GFAP: variants seen among roughly 807,000 people sequenced by gnomAD.
GFAP encodes intermediate filament protein.
A neutral mutation model predicts 49.3 loss-of-function variants in GFAP; 38 were observed. The ratio of observed to expected loss-of-function variants is 0.77; its 90% CI spans 0.60 to 1.01. The LOEUF (loss-of-function observed/expected upper bound fraction) is 1.01, where lower values mean the gene tolerates loss of function less well. GFAP is among the 50% of genes least tolerant of loss of function. The probability of loss-of-function intolerance (pLI) is 0.00; values close to 1 mark genes in which losing one functional copy is unlikely to be tolerated. For missense variants in GFAP, 463 were observed against 579.1 expected, an observed-to-expected ratio of 0.80 and a Z score of 2.06; for synonymous variants, 222 against 236.4, an observed-to-expected ratio of 0.94 and a Z score of 0.56.
In GFAP at chr17:44,904,516, C is replaced by A. The variant is rs1450403739; in HGVS notation, c.*2831G>T. 16 of 1,550,098 alleles carry A rather than the reference C, an allele frequency of 1.0e-5. No homozygotes were observed. The highest frequency in any genetic ancestry group is 1.4e-5 in the Non-Finnish European group (16 of 1,146,784). ...GGAAGCTGCGGACCAAGGCCAGGGA[C>A]CACACGCCTGAGGTGCTGGTTCGGA... On this transcript the variant is annotated 3_prime_UTR_variant, in exon 9 of 9. Coordinates refer to ENST00000588735, the MANE Select transcript of GFAP (RefSeq NM_002055.5).
intron 3 of GFAP, 80 bp downstream of exon 3, chr17:44,913,648 C>A: frequency 8.5e-7 from 1 of 1,174,590 alleles, no homozygotes; most frequent in South Asian, 1.2e-5. Flanking sequence ...CTCTCTCAGT[C>A]TCAGCTTCTC....
At chr17:44,913,869 A>G (rs2051839135) in intron 2 of GFAP, 46 bp from the exon 3 acceptor site, 1 of 1,500,904 alleles carries the variant, frequency 6.7e-7, no homozygotes, top group Non-Finnish European at 9.3e-7. Flanking sequence ...CTGGGGCCCC[A>G]GGCTCCTTCT....
chr17:44,903,918 C>T lies in GFAP; in HGVS notation c.*3429G>A. The T allele has an allele frequency of 1.3e-6, 2 of 1,550,610 alleles. No homozygotes were observed. The highest frequency in any genetic ancestry group is 1.7e-6 in the Non-Finnish European group (2 of 1,146,984). ...GAGAAGGAAAACATTTTTCAGAGGA[C>T]CCCCTGCCCTGCTTTCCTGATGTTT... On this transcript the variant is annotated 3_prime_UTR_variant, in exon 9 of 9. Transcript: ENST00000588735.
intron 4 of GFAP, among the ~76,000 whole-genome samples, chr17:44,912,040 A>C (rs1221656347): frequency 6.6e-6 from 1 of 152,096 alleles, no homozygotes; most frequent in East Asian, 1.9e-4. Context: ...AACCTTCCAC[A>C]CTGACAGCTG....
intron 7 of GFAP, chr17:44,910,298 A>G (rs751687230): frequency 1.2e-6 from 2 of 1,613,854 alleles, no homozygotes; most frequent in South Asian, 1.1e-5. Context: ...AAAACAGAAA[A>G]CACTCAGAAG....
rs2051630967 is a variant in GFAP at position 44,904,940 on chromosome 17, G to A, written c.*2407C>T. 3 of 1,550,586 alleles carry A rather than the reference G, an allele frequency of 1.9e-6. No individual in the cohort carries two copies. The South Asian group carries it at 3.6e-5, about 18-fold the overall frequency. On this transcript the variant is annotated 3_prime_UTR_variant, in exon 9 of 9. Coordinates refer to ENST00000588735, the MANE Select transcript of GFAP (RefSeq NM_002055.5). ...TGGGCACTACCCAGCCTCGTTCTCA[G>A]ATCCTGAGACTCGCTCGGCTGTGGA...
chr17:44,915,416 C>A lies in GFAP; in HGVS notation c.71G>T (p.Gly24Val), dbSNP rs2051890322. ...ACCCAGACGGCGGCCAGGAGCCAGG[C>A]CCCCCACCATCATCTCCCCTGAGGA... Reference protein sequence around the residue: ...YVSSGEMMVGGLAPGRRLGPG... With the variant: ...YVSSGEMMVGVLAPGRRLGPG... Residue 24 changes from glycine to valine, a missense_variant, in exon 1 of 9, where the codon GGC becomes GTC. By Grantham distance (109) the Gly-to-Val change is moderately radical. This residue lies in a region of GFAP where 89 missense variants were observed against 87.5 expected (regional missense o/e 1.02). Transcript: ENST00000588735. This position sits in a 1 kb window ranked among gnomAD's most constrained non-coding sequence, Gnocchi z 4.1. 5 of 1,606,944 alleles carry A rather than the reference C, an allele frequency of 3.1e-6. No individual in the cohort carries two copies. Among genetic ancestry groups the A allele is most frequent in the Non-Finnish European group, 4.3e-6 (5 of 1,176,312 alleles).
rs1260567544 is a variant in GFAP, at chr17:44,911,590, G to A, written c.906+82C>T. On this transcript the variant is annotated intron_variant, in intron 5 of 8. Coordinates refer to ENST00000588735, the MANE Select transcript of GFAP (RefSeq NM_002055.5). ...GGCCCCGCCCTCGACCCAGGTCCTC[G>A]TCCCTGGCCCTTCTCCCCTGGCATC... 117 of 1,586,464 alleles carry A rather than the reference G, an allele frequency of 7.4e-5. 1 individual carries two copies. In the South Asian group the frequency reaches 1.2e-3, roughly 16 times the overall value.
chr17:44,905,388 A>T lies in GFAP; in HGVS notation c.*1959T>A. 3.5e-6 allele frequency: 1 copy of T among 283,648 alleles called. No homozygotes were observed. The highest frequency in any genetic ancestry group is 7.0e-6 in the Non-Finnish European group (1 of 142,216). 17.6% of individuals were successfully genotyped at this position (283,648 alleles called of 1,614,324 possible). ...GGTAAACACTGATCAGTGTTGAATC[A>T]TGTTTGAGCTGCTTTGCTTTCTTGC... On this transcript the variant is annotated 3_prime_UTR_variant, in exon 9 of 9. Transcript: ENST00000588735.
chr17:44,908,227 C>T (rs763769288), intron 7 of GFAP, 78 bp from the exon 8 acceptor site: 65 of 929,596 alleles, frequency 7.0e-5, no homozygotes, highest in Admixed American at 1.2e-4. Context: ...GCTTCCCCAT[C>T]GCACCCCCCT....
Position 44,903,700 on chromosome 17 carries a change from T to C in GFAP, c.*3647A>G, listed in dbSNP as rs773459849. 1.4e-6 allele frequency: 2 copies of C among 1,439,492 alleles called. No individual in the cohort carries two copies. Among genetic ancestry groups the C allele is most frequent in the South Asian group, 3.0e-5 (2 of 66,218 alleles). 89.2% of individuals were successfully genotyped at this position (1,439,492 alleles called of 1,614,324 possible). ...CTTGGCGGCTTCCTCTGCAGATTGT[T>C]GCTGCTTTTCCTGGCTGCATAATCC... On this transcript the variant is annotated 3_prime_UTR_variant, in exon 9 of 9. Transcript: ENST00000588735.
chr17:44,910,692 C>T, intron 6 of GFAP, 34 bp from the exon 7 acceptor site: 1 of 1,573,866 alleles, frequency 6.4e-7, no homozygotes, highest in South Asian at 1.2e-5. Context: ...GCTGCCCGGG[C>T]TGCCTGGGAC....
Position 44,912,109 on chromosome 17 carries a change from T to TG in GFAP, c.781-313_781-312insC, listed in dbSNP as rs535740204. Among the ~76,000 whole-genome samples the TG allele has an allele frequency of 9.4e-3, 1,177 of 124,858 alleles. 11 individuals carry two copies. The highest frequency in any genetic ancestry group is 0.035 in the African/African-American group (1,100 of 31,060). 81.9% of individuals were successfully genotyped at this position (124,858 alleles called of 152,430 possible). On this transcript the variant is annotated intron_variant, in intron 4 of 8. Coordinates refer to ENST00000588735, the MANE Select transcript of GFAP (RefSeq NM_002055.5). ...AGCGGAGGCCTGGGTGTTTTGTGTG[T>TG]TTTTGTTTTTTTGTTTTTTTTGTTT...
chr17:44,907,194 G>A lies in GFAP; in HGVS notation c.*153C>T. The A allele has an allele frequency of 1.4e-6, 1 of 733,302 alleles. No individual in the cohort carries two copies. Among genetic ancestry groups the A allele is most frequent in the Non-Finnish European group, 2.4e-6 (1 of 410,576 alleles). 45.4% of individuals were successfully genotyped at this position (733,302 alleles called of 1,614,324 possible). A position where few individuals can be genotyped will look rare whatever the true frequency, so the allele number is the denominator to read the frequency against. On this transcript the variant is annotated 3_prime_UTR_variant, in exon 9 of 9. Coordinates refer to ENST00000588735, the MANE Select transcript of GFAP (RefSeq NM_002055.5). ...CCTGATACTGACGGAGCCTAGGGCA[G>A]CAAGCTGACCTAGGGACAGAGGAGG...
At chr17:44,914,354 C>G in intron 1 of GFAP, 2 of 536,126 alleles carry the variant, frequency 3.7e-6, no homozygotes, top group South Asian at 4.4e-5. Context: ...CACAAGCATA[C>G]ACTCACTGTT....
At chr17:44,907,711 G>T in intron 8 of GFAP, 1 of 555,858 alleles carries the variant, frequency 1.8e-6, no homozygotes, top group Non-Finnish European at 3.2e-6. Context: ...GAAATGGAAA[G>T]CCCTCCCCAT....
intron 6 of GFAP, 178 bp from the exon 7 acceptor site, chr17:44,910,836 A>G: frequency 1.2e-6 from 1 of 843,088 alleles, no homozygotes; most frequent in Non-Finnish European, 1.8e-6. Context: ...AAACGTCTGC[A>G]AGGGGCTTGA....
chr17:44,903,949 T>C lies in GFAP; in HGVS notation c.*3398A>G. On this transcript the variant is annotated 3_prime_UTR_variant, in exon 9 of 9. Transcript: ENST00000588735. ...GCCCTGCTTTCCTGATGTTTGAAAA[T>C]GCAGCCTACCTGGCCGACATGAGCT... The C allele has an allele frequency of 6.4e-7, 1 of 1,550,524 alleles. No homozygotes were observed. Among genetic ancestry groups the C allele is most frequent in the Non-Finnish European group, 8.7e-7 (1 of 1,146,984 alleles).
At position 44,904,473 on chromosome 17, in the gene GFAP, G is replaced by T. The variant is rs1230826970; in HGVS notation, c.*2874C>A. The stretch of plus-strand genomic sequence containing the variant: ...GCCGTGCCCGATGTGGTGTCTTGTG[G>T]CTCAAGGGCTGTGCCAAGGAAGCTG... On this transcript the variant is annotated 3_prime_UTR_variant, in exon 9 of 9. Coordinates refer to ENST00000588735, the MANE Select transcript of GFAP (RefSeq NM_002055.5). 2.6e-6 allele frequency: 4 copies of T among 1,546,442 alleles called. No homozygotes were observed. The highest frequency in any genetic ancestry group is 3.5e-6 in the Non-Finnish European group (4 of 1,144,252).
Sources: allele counts gnomAD v4.1 joint callset (sites outside exome capture counted in the v4.1 genomes callset), GRCh38; gene constraint gnomAD v4.1.1; regional missense constraint gnomAD v4.1.1; non-coding constraint Gnocchi (gnomAD v3.1); transcripts MANE v1.5; gene names NCBI Gene and HGNC (gene_info 2026-07-23, HGNC 2026-07-21).